Variants in CADM2 observed in about 807,000 individuals in gnomAD.
The protein encoded by CADM2 is immunoglobulin superfamily member 4D.
In CADM2, 12 loss-of-function variants were observed where a neutral mutation model predicts 49.8. The ratio of observed to expected loss-of-function variants is 0.24; its 90% confidence interval spans 0.15 to 0.39. The LOEUF is 0.39. Ranked by LOEUF, CADM2 falls within the 10% of genes least tolerant of loss-of-function variation. The probability of loss-of-function intolerance (pLI) is 1.00; values close to 1 mark genes in which losing one functional copy is unlikely to be tolerated. For missense variants in CADM2, 378 were observed against 492.3 expected (o/e 0.77, Z 2.20); for synonymous variants, 214 against 175.4 (o/e 1.22, Z -1.74).
chr3:86,004,829 T>C lies in CADM2; in HGVS notation c.970+43182T>C, dbSNP rs146399043. Among the ~76,000 whole-genome samples the C allele has an allele frequency of 4.5e-3, 682 of 152,304 alleles. 6 individuals are homozygous for C. Among genetic ancestry groups the C allele is most frequent in the African/African-American group, 0.016 (658 of 41,572 alleles). ...CTTGTGACCACCTTTGGACTGAAGT[T>C]CAGTGGTAACTTCCTACCTGGGCAT... On this transcript the variant is annotated intron_variant, in intron 8 of 9. Coordinates refer to ENST00000383699, the MANE Select transcript of CADM2 (RefSeq NM_001167675.2).
rs185366498 is a variant in CADM2, at chr3:85,878,145, T to A, written c.239-5146T>A. On this transcript the variant is annotated intron_variant, in intron 3 of 9. Coordinates refer to ENST00000383699, the MANE Select transcript of CADM2 (RefSeq NM_001167675.2). ...TAAACTATTAAGAAAATGTACACAATAAATAATCCATGTAGTAATTTTGGC... is the reference window on the plus strand; with the variant it reads ...TAAACTATTAAGAAAATGTACACAAAAAATAATCCATGTAGTAATTTTGGC... Among the ~76,000 whole-genome samples the A allele has an allele frequency of 1.1e-3, 170 of 152,224 alleles. 3 individuals carry two copies. Among genetic ancestry groups the A allele is most frequent in the African/African-American group, 4.0e-3 (168 of 41,552 alleles).
At chr3:84,970,117 A>G (rs2031317199) in intron 1 of CADM2, among the ~76,000 whole-genome samples, 1 of 143,884 alleles carries the variant, frequency 7.0e-6, no homozygotes, top group Non-Finnish European at 1.5e-5. Context: ...TGAAGTGAAG[A>G]TTCAGGGTGC....
chr3:85,557,208 A>T (rs2061981554), intron 1 of CADM2, among the ~76,000 whole-genome samples: 1 of 152,046 alleles, frequency 6.6e-6, no homozygotes, highest in African/African-American at 2.4e-5. Context: ...AATTTGGGAT[A>T]AAAACAACAT....
intron 1 of CADM2, among the ~76,000 whole-genome samples, chr3:85,633,930 A>C (rs2064384928): frequency 6.6e-6 from 1 of 152,068 alleles, no homozygotes; most frequent in Non-Finnish European, 1.5e-5. Context: ...CCTATTTGAC[A>C]AAAAATGAGG....
chr3:85,762,594 CCTCT>C (rs758842388), intron 2 of CADM2, among the ~76,000 whole-genome samples: 66 of 50,344 alleles, frequency 1.3e-3, no homozygotes, highest in Middle Eastern at 0.019. Context: ...CTGCACTACT[CCTCT>C]CTCTCTCTCT....
intron 1 of CADM2, among the ~76,000 whole-genome samples, chr3:84,964,818 C>T (rs1227647883): frequency 6.6e-6 from 1 of 152,066 alleles, no homozygotes; most frequent in African/African-American, 2.4e-5. Context: ...TATATATGTC[C>T]TAATTACTTG....
At chr3:85,167,562 A>T (rs1169849110) in intron 1 of CADM2, among the ~76,000 whole-genome samples, 1 of 152,118 alleles carries the variant, frequency 6.6e-6, no homozygotes, top group African/African-American at 2.4e-5. Flanking sequence ...TGTCTTCCTT[A>T]TAAACTAGGA....
At chr3:85,094,937 G>A (rs760631575) in intron 1 of CADM2, among the ~76,000 whole-genome samples, 4 of 151,912 alleles carry the variant, frequency 2.6e-5, no homozygotes, top group Admixed American at 6.6e-5. Flanking sequence ...CATAAATTAA[G>A]CATTAATATG....
intron 7 of CADM2, among the ~76,000 whole-genome samples, chr3:85,959,041 T>TCTATATAA (rs1724455954): frequency 6.6e-6 from 1 of 150,678 alleles, no homozygotes; most frequent in Middle Eastern, 3.2e-3. Flanking sequence ...TATATCTATA[T>TCTATATAA]CTATATATCT....
chr3:85,441,202 A>G (rs1179259111), intron 1 of CADM2, among the ~76,000 whole-genome samples: 2 of 151,946 alleles, frequency 1.3e-5, no homozygotes, highest in African/African-American at 4.8e-5. Context: ...TAGTAATTAA[A>G]TACTCAGTTT....
At chr3:85,913,554 G>A (rs1717895151) in intron 6 of CADM2, among the ~76,000 whole-genome samples, 2 of 151,802 alleles carry the variant, frequency 1.3e-5, no homozygotes, top group South Asian at 4.1e-4. Flanking sequence ...TAATTTTTTA[G>A]TGGCACTATG....
intron 1 of CADM2, among the ~76,000 whole-genome samples, chr3:85,191,381 G>T (rs191457941): frequency 6.6e-6 from 1 of 151,866 alleles, no homozygotes; most frequent in African/African-American, 2.4e-5. Flanking sequence ...TGTAGGAAAC[G>T]TTTATTAACA....
intron 6 of CADM2, among the ~76,000 whole-genome samples, chr3:85,930,815 C>T (rs1484157018): frequency 1.3e-5 from 2 of 151,162 alleles, no homozygotes; most frequent in African/African-American, 4.9e-5. Flanking sequence ...GAATAGTACT[C>T]CACATTAAAT....
At chr3:85,357,156 G>C (rs1164457725) in intron 1 of CADM2, among the ~76,000 whole-genome samples, 2 of 152,000 alleles carry the variant, frequency 1.3e-5, no homozygotes, top group Non-Finnish European at 2.9e-5. Flanking sequence ...AAAAGCACAA[G>C]ATACCTAGTC....
intron 1 of CADM2, among the ~76,000 whole-genome samples, chr3:85,190,351 C>G (rs903301829): frequency 6.6e-6 from 1 of 152,008 alleles, no homozygotes; most frequent in Non-Finnish European, 1.5e-5. Flanking sequence ...TTTTGGTCTT[C>G]TCTTCATCAC....
chr3:85,795,285 C>T (rs771248717), intron 2 of CADM2, among the ~76,000 whole-genome samples: 2 of 152,144 alleles, frequency 1.3e-5, no homozygotes, highest in Non-Finnish European at 2.9e-5. Context: ...GCAGCTAACT[C>T]ATGCTCTCTT....
chr3:85,615,177 C>T (rs961864555), intron 1 of CADM2, among the ~76,000 whole-genome samples: 1 of 150,636 alleles, frequency 6.6e-6, no homozygotes, highest in Non-Finnish European at 1.5e-5. Flanking sequence ...GTCTTTGTGC[C>T]TATGGATATT....
intron 3 of CADM2, among the ~76,000 whole-genome samples, chr3:85,863,343 C>T (rs1050601495): frequency 6.6e-6 from 1 of 151,966 alleles, no homozygotes; most frequent in Non-Finnish European, 1.5e-5. Flanking sequence ...GGAGATAAGG[C>T]CTTTAAGAGG....
chr3:85,086,328 C>T (rs984801096), intron 1 of CADM2, among the ~76,000 whole-genome samples: 27 of 151,746 alleles, frequency 1.8e-4, no homozygotes, highest in African/African-American at 6.3e-4. Flanking sequence ...TAAAAGAAAG[C>T]CAACAAATAT....
Sources: allele counts gnomAD v4.1 joint callset (sites outside exome capture counted in the v4.1 genomes callset), GRCh38; gene constraint gnomAD v4.1.1; transcripts MANE v1.5; gene names NCBI Gene and HGNC (gene_info 2026-07-23, HGNC 2026-07-21).